The following ANXA1 variants were observed in gnomAD, a reference collection of about 807,000 sequenced individuals.
The protein encoded by ANXA1 is annexin I (lipocortin I).
Under a neutral mutation model 47.9 loss-of-function variants are expected in ANXA1, and 39 were observed. The observed-to-expected ratio is 0.81, with a 90% confidence interval of 0.63 to 1.06. The LOEUF (loss-of-function observed/expected upper bound fraction) is 1.06. Ranked by LOEUF, ANXA1 falls within the 50% of genes least tolerant of loss-of-function variation. The pLI, the probability that ANXA1 is intolerant of heterozygous loss-of-function variation, is 0.00. For missense variants in ANXA1, 446 were observed against 422.7 expected, an observed-to-expected ratio of 1.06 and a Z score of -0.48; for synonymous variants, 146 against 142.5, an observed-to-expected ratio of 1.02 and a Z score of -0.17.
chr9:73,161,096 G>T (rs1824135487), intron 6 of ANXA1, among the ~76,000 whole-genome samples: 1 of 152,136 alleles, frequency 6.6e-6, no homozygotes, highest in African/African-American at 2.4e-5. Context: ...GGGAGATGGT[G>T]TCCCAATCCG....
intron 11 of ANXA1, chr9:73,168,578 ATGG>A (rs1388892954): frequency 6.5e-6 from 1 of 154,022 alleles, no homozygotes; most frequent in African/African-American, 2.4e-5. Flanking sequence ...GTATAGAGTG[ATGG>A]TGCACACTGG....
intron 1 of ANXA1, among the ~76,000 whole-genome samples, chr9:73,153,055 T>G (rs539353461): frequency 6.6e-6 from 1 of 152,278 alleles, no homozygotes; most frequent in African/African-American, 2.4e-5. Flanking sequence ...ATGACTCAAA[T>G]GTGGTAAAAT....
intron 1 of ANXA1, chr9:73,154,292 A>G (rs1824013885): frequency 1.5e-6 from 2 of 1,365,722 alleles, no homozygotes; most frequent in African/African-American, 3.0e-5. Context: ...GCTGGGGTGA[A>G]ACCTGCTACG....
intron 1 of ANXA1, among the ~76,000 whole-genome samples, chr9:73,156,148 TATAAATAAATAA>T (rs995474223): frequency 6.3e-5 from 6 of 95,520 alleles, no homozygotes; most frequent in Non-Finnish European, 1.1e-4. Flanking sequence ...TAATAAATAA[TATAAATAAATAA>T]ATAAATAAAT....
intron 8 of ANXA1, among the ~76,000 whole-genome samples, chr9:73,164,480 G>T (rs1824193880): frequency 1.3e-5 from 2 of 152,084 alleles, no homozygotes; most frequent in Non-Finnish European, 2.9e-5. Flanking sequence ...TCCATTTTAA[G>T]ACTATCAGGG....
chr9:73,169,542 T>G (rs1300738039), intron 12 of ANXA1, among the ~76,000 whole-genome samples: 2 of 152,098 alleles, frequency 1.3e-5, no homozygotes, highest in Non-Finnish European at 2.9e-5. Context: ...TGTTTAAAAT[T>G]TATGTTCAAA....
intron 1 of ANXA1, among the ~76,000 whole-genome samples, chr9:73,153,355 A>C: frequency 6.6e-6 from 1 of 152,200 alleles, no homozygotes; most frequent in East Asian, 1.9e-4. Context: ...TTCAATGATA[A>C]ACTATAAACA....
chr9:73,154,869 A>G (rs1824024113), intron 1 of ANXA1, among the ~76,000 whole-genome samples: 2 of 152,208 alleles, frequency 1.3e-5, no homozygotes, highest in Admixed American at 1.3e-4. Flanking sequence ...ATTAAAGGCT[A>G]TTATTCCAAG....
intron 12 of ANXA1, among the ~76,000 whole-genome samples, chr9:73,169,727 A>C (rs895875333): frequency 6.6e-6 from 1 of 152,132 alleles, no homozygotes; most frequent in African/African-American, 2.4e-5. Flanking sequence ...TGGTGAGTGA[A>C]TCAGGTATCT....
intron 11 of ANXA1, 152 bp from the exon 12 acceptor site, chr9:73,168,880 G>GGTGTGTGTGTGTGT (rs3832643): frequency 0.032 from 12,752 of 402,032 alleles, 270 homozygotes; most frequent in Non-Finnish European, 0.035. Context: ...ATTCGTGTAA[G>GGTGTGTGTGTGTGT]GTGTGTGTGT....
At position 73,167,613 on chromosome 9, in the gene ANXA1, C is replaced by T. The variant is rs954316437; in HGVS notation, c.861+58C>T. 2.1e-6 allele frequency: 3 copies of T among 1,443,362 alleles called. No homozygotes were observed. In the African/African-American group the frequency reaches 4.3e-5, roughly 21 times the overall value. The allele number at this position is 1,443,362 out of a possible 1,614,324, so 89.4% of individuals were successfully genotyped here. ...GAGGAAGAATTATTTGTAGAAAGAA[C>T]AGAAAACCTCATGTTGTTTGAAAAT... is the stretch of plus-strand genomic sequence containing the variant. On this transcript the variant is annotated intron_variant, in intron 11 of 12. Transcript: ENST00000257497.
In ANXA1 at chr9:73,165,160, C is replaced by A. The variant is rs369329871; in HGVS notation, c.657C>A (p.Asn219Lys). 1.1e-5 allele frequency: 18 copies of A among 1,612,668 alleles called. No individual in the cohort carries two copies. Among genetic ancestry groups the A allele is most frequent in the Non-Finnish European group, 1.0e-5 (12 of 1,179,114 alleles). Residue 219 changes from asparagine to lysine, a missense_variant, in exon 9 of 13, where the codon AAC becomes AAA. Coordinates refer to ENST00000257497, the MANE Select transcript of ANXA1 (RefSeq NM_000700.3). The part of the protein sequence containing the change: ...AGERRKGTDV[N>K]VFNTILTTRS... Reference sequence around the variant, plus strand: ...AAAGGAGAAAGGGGACAGACGTAAACGTGTTCAATACCATCCTTACCACCA... The same window carrying A: ...AAAGGAGAAAGGGGACAGACGTAAAAGTGTTCAATACCATCCTTACCACCA...
chr9:73,165,310 T>A (rs995602505), intron 9 of ANXA1, 101 bp downstream of exon 9: 24 of 863,128 alleles, frequency 2.8e-5, no homozygotes, highest in Non-Finnish European at 4.2e-5. Context: ...TTTTTCAATA[T>A]CACTCCTGTA....
intron 10 of ANXA1, 50 bp from the exon 11 acceptor site, chr9:73,167,447 T>C: frequency 6.5e-7 from 1 of 1,539,754 alleles, no homozygotes; most frequent in Non-Finnish European, 9.0e-7. Context: ...ATATGGATAT[T>C]TCATTTTTTT....
intron 6 of ANXA1, among the ~76,000 whole-genome samples, chr9:73,162,148 G>T (rs961687237): frequency 3.3e-5 from 5 of 152,072 alleles, no homozygotes; most frequent in African/African-American, 1.2e-4. Flanking sequence ...TGAGGGATCT[G>T]CCCCCATCAT....
In ANXA1 at chr9:73,169,179, A is replaced by G. The variant is rs1159443858; in HGVS notation, c.984+25A>G. 8 of 1,570,684 alleles carry G rather than the reference A, an allele frequency of 5.1e-6. No homozygotes were observed. In the African/African-American group the frequency reaches 9.6e-5, roughly 19 times the overall value. On this transcript the variant is annotated intron_variant, in intron 12 of 12. Coordinates refer to ENST00000257497, the MANE Select transcript of ANXA1 (RefSeq NM_000700.3). ...GGTATGTTTTGATTCCTCTAATGCC[A>G]TCCCAACAAATGAAAGTTCTTTTTG...
intron 6 of ANXA1, among the ~76,000 whole-genome samples, chr9:73,161,489 G>C (rs1409743613): frequency 6.6e-6 from 1 of 152,012 alleles, no homozygotes; most frequent in African/African-American, 2.4e-5. Flanking sequence ...TTTAAATGAT[G>C]TGCTCAACAC....
chr9:73,162,948 G>A, intron 7 of ANXA1, 87 bp downstream of exon 7: 2 of 1,060,240 alleles, frequency 1.9e-6, no homozygotes, highest in Non-Finnish European at 2.8e-6. Flanking sequence ...GGGAATATCT[G>A]AGGCTAGGTA....
intron 8 of ANXA1, 106 bp from the exon 9 acceptor site, chr9:73,165,010 T>C (rs1824202963): frequency 3.7e-6 from 3 of 804,850 alleles, no homozygotes; most frequent in Non-Finnish European, 6.0e-6. Flanking sequence ...TCTGATTGTA[T>C]TGGGCACAAA....
Sources: gnomAD v4.1 joint callset for allele counts (sites outside exome capture counted in the v4.1 genomes callset) on GRCh38, gnomAD v4.1.1 for gene constraint, MANE v1.5 for transcripts, NCBI Gene and HGNC (gene_info 2026-07-23, HGNC 2026-07-21) for gene names.